The following UMPS variants were observed in gnomAD, a reference collection of about 807,000 sequenced individuals.
UMPS encodes uridine monophosphate synthetase.
A neutral mutation model predicts 38.9 loss-of-function variants in UMPS; 21 were observed. That is an observed-to-expected ratio of 0.54 (90% confidence interval 0.38 to 0.78). UMPS has a LOEUF of 0.78. UMPS is among the 30% of genes least tolerant of loss of function. UMPS has a pLI of 0.00. For synonymous variants in UMPS, 208 were observed against 219.3 expected (o/e 0.95, Z 0.45); for missense variants, 533 against 591.6 (o/e 0.90, Z 1.03).
chr3:124,737,388 A>C (rs2063524948), intron 2 of UMPS, among the ~76,000 whole-genome samples, 180 bp from the exon 3 acceptor site: 1 of 152,230 alleles, frequency 6.6e-6, no homozygotes, highest in South Asian at 2.1e-4. Context: ...TTTGGTATAC[A>C]GAGTTGGCTT....
At chr3:124,735,046 T>C (rs747900592) in intron 1 of UMPS, 47 bp from the exon 2 acceptor site, 4 of 1,515,918 alleles carry the variant, frequency 2.6e-6, no homozygotes, top group Non-Finnish European at 2.7e-6. Flanking sequence ...TAAAATAAAA[T>C]AAAATAGTTA....
Position 124,738,336 on chromosome 3 carries a change from A to C in UMPS, c.982+97A>C, listed in dbSNP as rs543642996. Reference sequence around the variant, plus strand: ...CATGTCATTGAAAGTCCATTCATAGAGCAGGCTGTCAAGCGTGGTTGGATC... The same window carrying C: ...CATGTCATTGAAAGTCCATTCATAGCGCAGGCTGTCAAGCGTGGTTGGATC... On this transcript the variant is annotated intron_variant, in intron 3 of 5. Coordinates refer to ENST00000232607, the MANE Select transcript of UMPS (RefSeq NM_000373.4). 18 of 1,368,152 alleles carry C rather than the reference A, an allele frequency of 1.3e-5. No individual in the cohort carries two copies. The Admixed American group carries it at 3.5e-4, about 27-fold the overall frequency. The allele number at this position is 1,368,152 out of a possible 1,614,324, so 84.8% of individuals were successfully genotyped here.
intron 1 of UMPS, chr3:124,731,571 G>C (rs1254926014): frequency 2.4e-6 from 1 of 410,596 alleles, no homozygotes; most frequent in Admixed American, 2.7e-5. Context: ...CTGCAGCCTG[G>C]AACTCCTGGG....
rs1232987312 is a variant in UMPS, at chr3:124,746,956, T to G, written c.*2872T>G. 2.2e-6 allele frequency: 1 copy of G among 454,130 alleles called. No homozygotes were observed. Among genetic ancestry groups the G allele is most frequent in the Non-Finnish European group, 4.4e-6 (1 of 226,790 alleles). The allele number at this position is 454,130 out of a possible 1,614,324, so 28.1% of individuals were successfully genotyped here. A position where few individuals can be genotyped will look rare whatever the true frequency, so the allele number is the denominator to read the frequency against. On this transcript the variant is annotated 3_prime_UTR_variant, in exon 6 of 6. Transcript: ENST00000232607. ...GTCCCAACACTCACCCTTGTGCTAC[T>G]GAGTCAGCTCTAAGAAAATCTGCCA...
rs1173255446 is a variant in UMPS, at chr3:124,737,902, C to A, written c.645C>A (p.Pro215=). The A allele has an allele frequency of 1.2e-6, 2 of 1,614,198 alleles. No homozygotes were observed. Among genetic ancestry groups the A allele is most frequent in the Non-Finnish European group, 1.7e-6 (2 of 1,180,036 alleles). Residue 215 remains proline, a synonymous_variant, in exon 3 of 6, where the codon CCC becomes CCA. Coordinates refer to ENST00000232607, the MANE Select transcript of UMPS (RefSeq NM_000373.4). ...TGGCAGCGAATCATAATGGTTCTCCCCTTTCTATAAAGGAAGCACCCAAAG... is the reference window on the plus strand; with the variant it reads ...TGGCAGCGAATCATAATGGTTCTCCACTTTCTATAAAGGAAGCACCCAAAG... ...VFVAANHNGS[P]LSIKEAPKEL... is the part of the protein sequence containing the mutation.
In UMPS at chr3:124,747,769, C is replaced by T. The variant is rs749466618; in HGVS notation, c.*3685C>T. The T allele has an allele frequency of 1.6e-5, 7 of 451,224 alleles. No homozygotes were observed. The East Asian group carries it at 4.9e-4, about 32-fold the overall frequency. The allele number at this position is 451,224 out of a possible 1,614,324, so 28.0% of individuals were successfully genotyped here. ...AAACTGGGCTCCACCAGGAACCAGTCTTCTGCCTTCCCAACCATCACCTCT... is the reference window on the plus strand; with the variant it reads ...AAACTGGGCTCCACCAGGAACCAGTTTTCTGCCTTCCCAACCATCACCTCT... On this transcript the variant is annotated 3_prime_UTR_variant, in exon 6 of 6. Coordinates refer to ENST00000232607, the MANE Select transcript of UMPS (RefSeq NM_000373.4).
At position 124,746,790 on chromosome 3, in the gene UMPS, T is replaced by TGTGTG; in HGVS notation, c.*2707_*2711dup. On this transcript the variant is annotated 3_prime_UTR_variant, in exon 6 of 6. Coordinates refer to ENST00000232607, the MANE Select transcript of UMPS (RefSeq NM_000373.4). The stretch of plus-strand genomic sequence containing the variant: ...GTGTGTGTGTGTGTGTGTGTGTGTG[T>TGTGTG]GTGTGTGCATGCGCGCGCGTGCGCA... 1 of 379,412 alleles carries TGTGTG rather than the reference T, an allele frequency of 2.6e-6. No individual in the cohort carries two copies. Among genetic ancestry groups the TGTGTG allele is most frequent in the Non-Finnish European group, 5.2e-6 (1 of 191,546 alleles). 23.5% of individuals were successfully genotyped at this position (379,412 alleles called of 1,614,324 possible).
chr3:124,732,707 G>T (rs1337823215), intron 1 of UMPS, among the ~76,000 whole-genome samples: 1 of 152,150 alleles, frequency 6.6e-6, no homozygotes, highest in Non-Finnish European at 1.5e-5. Flanking sequence ...CTATCAAGAA[G>T]ACATATAAGT....
Position 124,742,503 on chromosome 3 carries a change from G to A in UMPS, c.1273+237G>A, listed in dbSNP as rs755376275. 7.5e-4 allele frequency: 413 copies of A among 547,296 alleles called. 3 individuals are homozygous for A. Among genetic ancestry groups the A allele is most frequent in the Middle Eastern group, 3.5e-3 (7 of 2,016 alleles). 33.9% of individuals were successfully genotyped at this position (547,296 alleles called of 1,614,324 possible). ...ATTGACCTCATAAGGTAATCAAGAT[G>A]CTTTAATGAGATAACATGTAGAATA... On this transcript the variant is annotated intron_variant, in intron 5 of 5. Transcript: ENST00000232607.
At position 124,737,635 on chromosome 3, in the gene UMPS, C is replaced by T; in HGVS notation, c.378C>T (p.Val126=). The stretch of plus-strand genomic sequence containing the variant: ...CCTGTTTAATCATTGAAGATGTTGT[C>T]ACCAGTGGATCTAGTGTTTTGGAAA... ...GETCLIIEDV[V]TSGSSVLETV... is the part of the protein sequence containing the mutation. The change falls in exon 3 of 6, where the codon GTC becomes GTT. Residue 126 remains valine (V), a synonymous_variant. Coordinates refer to ENST00000232607, the MANE Select transcript of UMPS (RefSeq NM_000373.4). 6.2e-7 allele frequency: 1 copy of T among 1,614,176 alleles called. No homozygotes were observed. The highest frequency in any genetic ancestry group is 8.5e-7 in the Non-Finnish European group (1 of 1,180,034).
Position 124,744,779 on chromosome 3 carries a change from A to G in UMPS, c.*695A>G. ...CAGCACAGCTTTTCTTGTGTCCTGT[A>G]TTCTCTGTCTAATGTGTTGCCCAAA... On this transcript the variant is annotated 3_prime_UTR_variant, in exon 6 of 6. Transcript: ENST00000232607. The G allele has an allele frequency of 2.2e-6, 1 of 454,114 alleles. No individual in the cohort carries two copies. Among genetic ancestry groups the G allele is most frequent in the Non-Finnish European group, 4.4e-6 (1 of 226,792 alleles). The allele number at this position is 454,114 out of a possible 1,614,324, so 28.1% of individuals were successfully genotyped here. A position where few individuals can be genotyped will look rare whatever the true frequency, so the allele number is the denominator to read the frequency against.
At position 124,744,459 on chromosome 3, in the gene UMPS, G is replaced by A. The variant is rs1336367513; in HGVS notation, c.*375G>A. The A allele has an allele frequency of 2.2e-6, 1 of 454,274 alleles. No homozygotes were observed. The highest frequency in any genetic ancestry group is 4.4e-6 in the Non-Finnish European group (1 of 227,034). 28.1% of individuals were successfully genotyped at this position (454,274 alleles called of 1,614,324 possible). The stretch of plus-strand genomic sequence containing the variant: ...AGACAGGATCTCACTCTGTTGCCCA[G>A]GATGGAGTGCAGTGGTGAGATCACG... On this transcript the variant is annotated 3_prime_UTR_variant, in exon 6 of 6. Coordinates refer to ENST00000232607, the MANE Select transcript of UMPS (RefSeq NM_000373.4).
intron 4 of UMPS, among the ~76,000 whole-genome samples, chr3:124,741,773 A>G (rs1221296023): frequency 6.6e-6 from 1 of 152,122 alleles, no homozygotes; most frequent in East Asian, 1.9e-4. Flanking sequence ...TTATTGCGGG[A>G]AGGGAAGGGA....
chr3:124,748,514 C>T lies in UMPS; in HGVS notation c.*4430C>T, dbSNP rs591963. 17,004 of 454,036 alleles carry T rather than the reference C, an allele frequency of 0.037. 1,111 individuals are homozygous for T. Among genetic ancestry groups the T allele is most frequent in the African/African-American group, 0.2 (10,004 of 50,078 alleles). The allele number at this position is 454,036 out of a possible 1,614,324, so 28.1% of individuals were successfully genotyped here. ...AAGTCTGGTTTAGAAGCACATTTGC[C>T]TAGCCCTTTCCTTCCCACCAAGGGG... On this transcript the variant is annotated 3_prime_UTR_variant, in exon 6 of 6. Transcript: ENST00000232607.
At chr3:124,742,437 TC>T in intron 5 of UMPS, 171 bp downstream of exon 5, 1 of 624,786 alleles carries the variant, frequency 1.6e-6, no homozygotes, top group Non-Finnish European at 2.8e-6. Context: ...TCAGTTTACT[TC>T]TTTTAGTCTA....
rs148029686 is a variant in UMPS at position 124,748,967 on chromosome 3, C to A, written c.*4883C>A. The stretch of plus-strand genomic sequence containing the variant: ...GTGGACGGGCCGCACAACCAAGGTT[C>A]TCATGAGGACAACCATGTCTTCGGG... On this transcript the variant is annotated 3_prime_UTR_variant, in exon 6 of 6. Coordinates refer to ENST00000232607, the MANE Select transcript of UMPS (RefSeq NM_000373.4). 2.0e-4 allele frequency: 92 copies of A among 454,008 alleles called. 1 individual carries two copies. The Middle Eastern group carries it at 2.1e-3, about 10-fold the overall frequency. 28.1% of individuals were successfully genotyped at this position (454,008 alleles called of 1,614,324 possible). A position where few individuals can be genotyped will look rare whatever the true frequency, so the allele number is the denominator to read the frequency against.
At position 124,737,640 on chromosome 3, in the gene UMPS, G is replaced by C. The variant is rs773499729; in HGVS notation, c.383G>C (p.Ser128Thr). ...TTAATCATTGAAGATGTTGTCACCA[G>C]TGGATCTAGTGTTTTGGAAACTGTT... is the stretch of plus-strand genomic sequence containing the variant. Reference protein sequence around the residue: ...TCLIIEDVVTSGSSVLETVEV... With the variant: ...TCLIIEDVVTTGSSVLETVEV... Residue 128 changes from serine to threonine, a missense_variant, in exon 3 of 6, where the codon AGT becomes ACT. Ser to Thr is a moderately conservative substitution (Grantham distance 58). Transcript: ENST00000232607. 7.4e-6 allele frequency: 12 copies of C among 1,614,234 alleles called. No individual in the cohort carries two copies. The Admixed American group carries it at 8.3e-5, about 11-fold the overall frequency.
In UMPS at chr3:124,745,502, T is replaced by G. The variant is rs886057874; in HGVS notation, c.*1418T>G. On this transcript the variant is annotated 3_prime_UTR_variant, in exon 6 of 6. Coordinates refer to ENST00000232607, the MANE Select transcript of UMPS (RefSeq NM_000373.4). ...CCTCAGCCTCCCGAGTAGCTGGGAC[T>G]ACAAGCCTAGGATTTTTAACTCAGG... 2 of 453,970 alleles carry G rather than the reference T, an allele frequency of 4.4e-6. No individual in the cohort carries two copies. Among genetic ancestry groups the G allele is most frequent in the Admixed American group, 2.3e-5 (1 of 42,554 alleles). 28.1% of individuals were successfully genotyped at this position (453,970 alleles called of 1,614,324 possible). A position where few individuals can be genotyped will look rare whatever the true frequency, so the allele number is the denominator to read the frequency against.
chr3:124,743,848 A>G, intron 5 of UMPS, 67 bp from the exon 6 acceptor site: 1 of 1,596,756 alleles, frequency 6.3e-7, no homozygotes, highest in Non-Finnish European at 8.6e-7. Context: ...ACTTTTTCAG[A>G]GAAGTCATGT....
Sources: gnomAD v4.1 joint callset for allele counts (sites outside exome capture counted in the v4.1 genomes callset) on GRCh38, gnomAD v4.1.1 for gene constraint, MANE v1.5 for transcripts, NCBI Gene and HGNC (gene_info 2026-07-23, HGNC 2026-07-21) for gene names.